PEPD: variants seen among roughly 807,000 people sequenced by gnomAD.
PEPD encodes xaa-Pro dipeptidase.
A neutral mutation model predicts 60.7 loss-of-function variants in PEPD; 53 were observed. That is an observed-to-expected ratio of 0.87 (90% CI 0.70 to 1.10). The LOEUF (loss-of-function observed/expected upper bound fraction) is 1.10, where lower values mean the gene tolerates loss of function less well. PEPD is among the 50% of genes least tolerant of loss of function. The pLI is 0.00. For synonymous variants in PEPD, 267 were observed against 284.1 expected, an observed-to-expected ratio of 0.94 and a Z score of 0.60; for missense variants, 711 against 711.9, an observed-to-expected ratio of 1.00 and a Z score of 0.01.
At chr19:33,409,191 T>C (rs1968708259) in intron 11 of PEPD, among the ~76,000 whole-genome samples, 1 of 152,132 alleles carries the variant, frequency 6.6e-6, no homozygotes, top group Non-Finnish European at 1.5e-5. Flanking sequence ...TCTTCTGGGG[T>C]GTGCTGAGCC....
chr19:33,391,814 G>A (rs1968229122), intron 12 of PEPD, among the ~76,000 whole-genome samples: 1 of 152,174 alleles, frequency 6.6e-6, no homozygotes, highest in Non-Finnish European at 1.5e-5. Context: ...CTATGCTTCT[G>A]GGCCCAGGGA....
chr19:33,444,042 A>G (rs559428536), intron 9 of PEPD, among the ~76,000 whole-genome samples: 141 of 152,272 alleles, frequency 9.3e-4, no homozygotes, highest in Non-Finnish European at 1.9e-3. Context: ...ATGGGTGTAT[A>G]TATCACACGC....
intron 4 of PEPD, among the ~76,000 whole-genome samples, chr19:33,494,407 A>G (rs934136442): frequency 6.6e-6 from 1 of 152,260 alleles, no homozygotes; most frequent in African/African-American, 2.4e-5. Context: ...ATGTATACAT[A>G]TACCTTTTTT....
At chr19:33,447,930 C>T (rs1294929768) in intron 9 of PEPD, among the ~76,000 whole-genome samples, 1 of 152,188 alleles carries the variant, frequency 6.6e-6, no homozygotes, top group Non-Finnish European at 1.5e-5. Flanking sequence ...AGCTTCACAG[C>T]CCCGGAACAC....
At chr19:33,413,490 T>G in intron 10 of PEPD, 85 bp downstream of exon 10, 1 of 778,056 alleles carries the variant, frequency 1.3e-6, no homozygotes, top group Non-Finnish European at 2.2e-6. Flanking sequence ...GTGGCTGAGC[T>G]GGGGGATGGT....
intron 13 of PEPD, 48 bp from the exon 14 acceptor site, chr19:33,388,129 C>T (rs2145321554): frequency 4.7e-6 from 7 of 1,474,226 alleles, no homozygotes; most frequent in East Asian, 2.5e-5. Context: ...CCAGGGCTCA[C>T]CGTGGCCTCA....
intron 11 of PEPD, among the ~76,000 whole-genome samples, chr19:33,409,175 G>A (rs1968707729): frequency 6.6e-6 from 1 of 152,234 alleles, no homozygotes; most frequent in South Asian, 2.1e-4. Context: ...TAAAGGAGCA[G>A]TCACTTCTTC....
At chr19:33,421,144 A>G (rs1174974334) in intron 9 of PEPD, among the ~76,000 whole-genome samples, 1 of 152,190 alleles carries the variant, frequency 6.6e-6, no homozygotes, top group Non-Finnish European at 1.5e-5. Context: ...TATTATGGGT[A>G]GTACAGCCAT....
At position 33,387,300 on chromosome 19, in the gene PEPD, TTGCAAGGCCA is replaced by T; in HGVS notation, c.*34_*43del. 2 of 1,610,800 alleles carry T rather than the reference TTGCAAGGCCA, an allele frequency of 1.2e-6. No homozygotes were observed. The highest frequency in any genetic ancestry group is 1.7e-6 in the Non-Finnish European group (2 of 1,178,596). ...GCAGGCTGCCCATCACGAAAAGAGG[TTGCAAGGCCA>T]GGCCCCCAGGTGCGCTGGGATTTCT... is the stretch of plus-strand genomic sequence containing the variant. On this transcript the variant is annotated 3_prime_UTR_variant, in exon 15 of 15. Transcript: ENST00000244137.
chr19:33,401,697 TCCC>T, intron 12 of PEPD, 21 bp downstream of exon 12: 2 of 1,596,308 alleles, frequency 1.3e-6, no homozygotes, highest in South Asian at 2.3e-5. Flanking sequence ...CAGATGCGCC[TCCC>T]CCCACCGACC....
chr19:33,463,165 T>C, intron 8 of PEPD, 124 bp from the exon 9 acceptor site: 2 of 765,096 alleles, frequency 2.6e-6, no homozygotes, highest in South Asian at 1.4e-5. Flanking sequence ...GAATGATATG[T>C]GCATGCAGTG....
At chr19:33,482,443 A>C (rs916035925) in intron 6 of PEPD, among the ~76,000 whole-genome samples, 1 of 152,260 alleles carries the variant, frequency 6.6e-6, no homozygotes, top group Admixed American at 6.5e-5. Flanking sequence ...GAACTTCTTC[A>C]ACTTGATAAA....
chr19:33,476,555 A>G (rs1429405496), intron 7 of PEPD, among the ~76,000 whole-genome samples: 2 of 152,126 alleles, frequency 1.3e-5, no homozygotes, highest in African/African-American at 4.8e-5. Context: ...GTCCTGCCAC[A>G]GCCCTCCACT....
At chr19:33,485,491 T>TAAAAAAAAAAAAAAAAAAAAAAAA (rs908651690) in intron 6 of PEPD, among the ~76,000 whole-genome samples, 12 of 110,940 alleles carry the variant, frequency 1.1e-4, no homozygotes, top group African/African-American at 4.4e-4. Flanking sequence ...AGACTCTGTC[T>TAAAAAAAAAAAAAAAAAAAAAAAA]AAAAAAAAAA....
intron 3 of PEPD, among the ~76,000 whole-genome samples, chr19:33,509,152 C>G (rs962498944): frequency 6.6e-6 from 1 of 152,232 alleles, no homozygotes; most frequent in Non-Finnish European, 1.5e-5. Flanking sequence ...AAGGATTCCA[C>G]CGGGAATGGG....
intron 9 of PEPD, among the ~76,000 whole-genome samples, chr19:33,430,189 T>C (rs1177867942): frequency 1.3e-5 from 2 of 152,364 alleles, no homozygotes; most frequent in East Asian, 3.9e-4. Flanking sequence ...ACATGGTATC[T>C]GCTCACCAGA....
rs758649991 is a variant in PEPD, at chr19:33,391,469, C to G, written c.978G>C (p.Trp326Cys). 64 of 1,550,236 alleles carry G rather than the reference C, an allele frequency of 4.1e-5. 1 individual carries two copies. Among genetic ancestry groups the G allele is most frequent in the Non-Finnish European group, 4.2e-5 (48 of 1,147,382 alleles). The change falls in exon 13 of 15, where the codon TGG becomes TGC. Residue 326 changes from tryptophan (W) to cysteine (C), a missense_variant. Coordinates refer to ENST00000244137, the MANE Select transcript of PEPD (RefSeq NM_000285.4). ...VMGAMKPGVW[W>C]PDMHRLADRI... ...GGTCAGCCAGGCGGTGCATGTCAGG[C>G]CACCAGACACCTGTGGGCCAGAGGG...
chr19:33,489,691 C>G (rs1970461352), intron 6 of PEPD, among the ~76,000 whole-genome samples: 1 of 152,038 alleles, frequency 6.6e-6, no homozygotes, highest in Non-Finnish European at 1.5e-5. Context: ...CAGGGGCTCA[C>G]AGCAGATGTT....
chr19:33,492,088 G>A (rs1476731546), intron 5 of PEPD, among the ~76,000 whole-genome samples: 1 of 151,738 alleles, frequency 6.6e-6, no homozygotes, highest in Admixed American at 6.6e-5. Context: ...TCACTTTGGG[G>A]GGAAGGCTTG....
Sources: gnomAD v4.1 joint callset for allele counts (sites outside exome capture counted in the v4.1 genomes callset) on GRCh38, gnomAD v4.1.1 for gene constraint, MANE v1.5 for transcripts, NCBI Gene and HGNC (gene_info 2026-07-23, HGNC 2026-07-21) for gene names.